The following SUPV3L1 variants were observed in gnomAD, a reference collection of about 807,000 sequenced individuals.
SUPV3L1 encodes Suv3 like RNA helicase, also known as ATP-dependent RNA helicase SUPV3L1, mitochondrial.
A neutral mutation model predicts 70.0 loss-of-function variants in SUPV3L1; 35 were observed. The ratio of observed to expected loss-of-function variants is 0.50; its 90% CI spans 0.38 to 0.66. The LOEUF is 0.66. Among genes scored for constraint, SUPV3L1 ranks in the 30% least tolerant of loss-of-function variants. SUPV3L1 has a pLI of 0.00. For missense variants in SUPV3L1, 777 were observed against 961.5 expected (o/e 0.81, Z 2.54); for synonymous variants, 364 against 341.9 (o/e 1.06, Z -0.71).
At chr10:69,181,810 C>T (rs1842070705) in intron 1 of SUPV3L1, among the ~76,000 whole-genome samples, 1 of 152,134 alleles carries the variant, frequency 6.6e-6, no homozygotes. Flanking sequence ...TCCTAATCAC[C>T]TCTTAAAGGT....
At position 69,180,314 on chromosome 10, in the gene SUPV3L1, T is replaced by C. The variant is rs755451450; in HGVS notation, c.23T>C (p.Leu8Ser). The part of the protein sequence containing the change: MSFSRAL[L>S]WARLPAGRQA... ...TCGATGTCCTTCTCCCGTGCCCTAT[T>C]GTGGGCTCGGCTCCCGGCGGGGCGC... Residue 8 changes from leucine (L) to serine (S), a missense_variant, in exon 1 of 15, where the codon TTG becomes TCG. This residue lies in a region of SUPV3L1 where 158 missense variants were observed against 138.3 expected (regional missense o/e 1.14). Coordinates refer to ENST00000359655, the MANE Select transcript of SUPV3L1 (RefSeq NM_003171.5). 38 of 1,613,766 alleles carry C rather than the reference T, an allele frequency of 2.4e-5. No individual in the cohort carries two copies. The highest frequency in any genetic ancestry group is 3.1e-5 in the Non-Finnish European group (37 of 1,179,972).
At chr10:69,194,571 C>T (rs918579733) in intron 6 of SUPV3L1, among the ~76,000 whole-genome samples, 22 of 151,974 alleles carry the variant, frequency 1.4e-4, no homozygotes, top group East Asian at 1.9e-4. Context: ...AGGATGGTCT[C>T]GATCTCCTGA....
intron 13 of SUPV3L1, among the ~76,000 whole-genome samples, chr10:69,205,677 G>C (rs1370867190): frequency 2.0e-5 from 3 of 152,120 alleles, no homozygotes; most frequent in Non-Finnish European, 4.4e-5. Context: ...GGGATTACAG[G>C]TGCCCGCCAC....
intron 13 of SUPV3L1, among the ~76,000 whole-genome samples, chr10:69,205,753 T>A (rs565662718): frequency 3.3e-5 from 5 of 152,296 alleles, no homozygotes; most frequent in Admixed American, 6.5e-5. Flanking sequence ...CAGGCTGGTC[T>A]CAAACTCCTG....
intron 13 of SUPV3L1, among the ~76,000 whole-genome samples, chr10:69,206,835 C>T (rs1354057970): frequency 7.2e-5 from 11 of 152,266 alleles, no homozygotes; most frequent in Middle Eastern, 3.4e-3. Flanking sequence ...GATGAAACCC[C>T]GTCTGCACTA....
intron 10 of SUPV3L1, among the ~76,000 whole-genome samples, chr10:69,199,483 G>A (rs1383180054): frequency 6.6e-6 from 1 of 152,196 alleles, no homozygotes; most frequent in Non-Finnish European, 1.5e-5. Flanking sequence ...CTGGGCCCAA[G>A]TGATCCTCCT....
At position 69,197,096 on chromosome 10, in the gene SUPV3L1, A is replaced by T; in HGVS notation, c.1023+13A>T. ...GGAGGAAGTGGAGGTATTCGATTAGATGCTTTGTTCTCCAGGTGGCATATC... is the reference window on the plus strand; with the variant it reads ...GGAGGAAGTGGAGGTATTCGATTAGTTGCTTTGTTCTCCAGGTGGCATATC... On this transcript the variant is annotated intron_variant, in intron 8 of 14. Transcript: ENST00000359655. 3.1e-6 allele frequency: 5 copies of T among 1,612,452 alleles called. No homozygotes were observed. Among genetic ancestry groups the T allele is most frequent in the Non-Finnish European group, 4.2e-6 (5 of 1,178,476 alleles).
chr10:69,207,574 C>T (rs1589393284), intron 13 of SUPV3L1, among the ~76,000 whole-genome samples: 1 of 152,076 alleles, frequency 6.6e-6, no homozygotes, highest in Non-Finnish European at 1.5e-5. Flanking sequence ...CTTCAGACTC[C>T]CAGAGTGCTG....
intron 13 of SUPV3L1, among the ~76,000 whole-genome samples, chr10:69,203,723 A>T (rs934054444): frequency 4.7e-5 from 7 of 150,488 alleles, no homozygotes; most frequent in Middle Eastern, 3.2e-3. Context: ...TATTTAATTT[A>T]ATTTTATTTA....
chr10:69,198,299 CTT>C, intron 8 of SUPV3L1, 71 bp from the exon 9 acceptor site: 1 of 1,401,932 alleles, frequency 7.1e-7, no homozygotes, highest in Admixed American at 2.3e-5. Flanking sequence ...GCATTACAAT[CTT>C]TTCACTTAAT....
At chr10:69,203,884 C>T (rs1024055499) in intron 13 of SUPV3L1, among the ~76,000 whole-genome samples, 1 of 151,430 alleles carries the variant, frequency 6.6e-6, no homozygotes, top group Admixed American at 6.6e-5. Context: ...TGCCACCATG[C>T]CCAGCTAATT....
At position 69,191,647 on chromosome 10, in the gene SUPV3L1, C is replaced by G. The variant is rs1178897395; in HGVS notation, c.742-8C>G. On this transcript the variant is annotated splice_region_variant and splice_polypyrimidine_tract_variant and intron_variant, in intron 5 of 14. Transcript: ENST00000359655. ...TCAATAATTCTAGTTTTTTTTCTGT[C>G]TTTCTAGGGTGTGCCATGTGACTTG... 7 of 1,609,328 alleles carry G rather than the reference C, an allele frequency of 4.3e-6. No individual in the cohort carries two copies. Among genetic ancestry groups the G allele is most frequent in the African/African-American group, 1.3e-5 (1 of 74,586 alleles).
intron 14 of SUPV3L1, 136 bp from the exon 15 acceptor site, chr10:69,208,464 G>A (rs887613526): frequency 1.5e-5 from 14 of 957,932 alleles, no homozygotes; most frequent in Admixed American, 4.9e-5. Context: ...AATCAAGGTT[G>A]AGCAAAGGCA....
intron 11 of SUPV3L1, 142 bp from the exon 12 acceptor site, chr10:69,202,297 T>C: frequency 1.8e-6 from 1 of 570,580 alleles, no homozygotes. Context: ...ATATTTTTTC[T>C]CTTTTACTCA....
In SUPV3L1 at chr10:69,199,552, C is replaced by CT. The variant is rs1257872984; in HGVS notation, c.1298+364dup. Among the ~76,000 whole-genome samples the CT allele has an allele frequency of 4.8e-3, 719 of 150,758 alleles. 10 individuals carry two copies. Among genetic ancestry groups the CT allele is most frequent in the African/African-American group, 0.016 (664 of 41,066 alleles). On this transcript the variant is annotated intron_variant, in intron 10 of 14. Transcript: ENST00000359655. ...GCACACCACAAAGCCTGGTTATTTT[C>CT]TTTTTTTTTGGGTAGTGACAAGGTC...
At chr10:69,201,846 CT>C (rs11459312) in intron 11 of SUPV3L1, among the ~76,000 whole-genome samples, 40 of 142,138 alleles carry the variant, frequency 2.8e-4, no homozygotes, top group Admixed American at 7.1e-4. Flanking sequence ...GCCGTAAAAT[CT>C]TTTTTTTTTT....
At chr10:69,199,846 T>C (rs541309920) in intron 10 of SUPV3L1, among the ~76,000 whole-genome samples, 12 of 151,376 alleles carry the variant, frequency 7.9e-5, no homozygotes, top group South Asian at 6.2e-4. Flanking sequence ...TATTTATTTA[T>C]GTATTTATTT....
At chr10:69,181,692 A>C (rs1842065960) in intron 1 of SUPV3L1, among the ~76,000 whole-genome samples, 1 of 152,156 alleles carries the variant, frequency 6.6e-6, no homozygotes, top group East Asian at 1.9e-4. Flanking sequence ...TGGAAAGGCA[A>C]ATGAGCCTGT....
In SUPV3L1 at chr10:69,209,018, G is replaced by T; in HGVS notation, c.2344G>T (p.Glu782Ter). ...AAAAGGGACGAGAAGAAAGAAGAAGGAACCTGATTCGGACTAGTTTTCTGT... is the reference window on the plus strand; with the variant it reads ...AAAAGGGACGAGAAGAAAGAAGAAGTAACCTGATTCGGACTAGTTTTCTGT... ...HPKGTRRKKK[E>*]PDSD Residue 782 changes from glutamate (E) to a stop codon, truncating the protein, a stop_gained, in exon 15 of 15, where the codon GAA becomes TAA. Coordinates refer to ENST00000359655, the MANE Select transcript of SUPV3L1 (RefSeq NM_003171.5). LOFTEE classifies it high-confidence loss of function. 1 of 1,546,282 alleles carries T rather than the reference G, an allele frequency of 6.5e-7. No homozygotes were observed. Among genetic ancestry groups the T allele is most frequent in the Non-Finnish European group, 8.7e-7 (1 of 1,148,184 alleles).
Sources: allele counts gnomAD v4.1 joint callset (sites outside exome capture counted in the v4.1 genomes callset), GRCh38; gene constraint gnomAD v4.1.1; regional missense constraint gnomAD v4.1.1; transcripts MANE v1.5; gene names NCBI Gene and HGNC (gene_info 2026-07-23, HGNC 2026-07-21).